Variants in SETDB2 observed in about 807,000 individuals in gnomAD.
The protein encoded by SETDB2 is SET domain bifurcated histone lysine methyltransferase 2.
In SETDB2, 56 loss-of-function variants were observed where a neutral mutation model predicts 82.5. The ratio of observed to expected loss-of-function variants is 0.68; its 90% CI spans 0.55 to 0.85. The LOEUF (loss-of-function observed/expected upper bound fraction) is 0.85. Ranked by LOEUF, SETDB2 falls within the 40% of genes least tolerant of loss-of-function variation. The probability of loss-of-function intolerance (pLI) is 0.00; values close to 1 mark genes in which losing one functional copy is unlikely to be tolerated. For synonymous variants in SETDB2, 272 were observed against 284.9 expected, an observed-to-expected ratio of 0.95 and a Z score of 0.46; for missense variants, 677 against 816.4, an observed-to-expected ratio of 0.83 and a Z score of 2.08.
At chr13:49,474,180 T>C (rs1042487086) in intron 5 of SETDB2, among the ~76,000 whole-genome samples, 1 of 152,140 alleles carries the variant, frequency 6.6e-6, no homozygotes, top group African/African-American at 2.4e-5. Flanking sequence ...AAGAATTGCT[T>C]GAAGCTGGGA....
At chr13:49,452,856 TCATCA>T (rs527320838) in intron 2 of SETDB2, among the ~76,000 whole-genome samples, 30 of 152,312 alleles carry the variant, frequency 2.0e-4, no homozygotes, top group African/African-American at 7.0e-4. Context: ...AATGTCATTT[TCATCA>T]CATCATATCA....
chr13:49,472,656 A>G (rs943026615), intron 5 of SETDB2, among the ~76,000 whole-genome samples: 1 of 152,180 alleles, frequency 6.6e-6, no homozygotes, highest in Non-Finnish European at 1.5e-5. Context: ...AAATTAGGTT[A>G]CTTTATACTT....
At chr13:49,476,396 GT>G in intron 5 of SETDB2, 79 bp from the exon 6 acceptor site, 2 of 932,490 alleles carry the variant, frequency 2.1e-6, no homozygotes, top group Non-Finnish European at 3.2e-6. Context: ...GTCTAAGAAG[GT>G]AGAAAATAAT....
chr13:49,490,760 A>G lies in SETDB2; in HGVS notation c.1918-62A>G, dbSNP rs897984801. On this transcript the variant is annotated intron_variant, in intron 12 of 13. Transcript: ENST00000611815. The stretch of plus-strand genomic sequence containing the variant: ...TAAAAACAGAATGGTTTTCTAATGC[A>G]AAAGCACAAGGCATCAGACTTTATG... 1.3e-4 allele frequency: 158 copies of G among 1,249,500 alleles called. No homozygotes were observed. In the African/African-American group the frequency reaches 2.3e-3, roughly 18 times the overall value. 77.4% of individuals were successfully genotyped at this position (1,249,500 alleles called of 1,614,324 possible). A position where few individuals can be genotyped will look rare whatever the true frequency, so the allele number is the denominator to read the frequency against.
chr13:49,484,702 G>A (rs9596114), intron 10 of SETDB2, among the ~76,000 whole-genome samples: 4,136 of 152,308 alleles, frequency 0.027, 184 homozygotes, highest in African/African-American at 0.091. Flanking sequence ...AGACTGAAAC[G>A]TAGAAGCAGA....
intron 5 of SETDB2, among the ~76,000 whole-genome samples, chr13:49,475,972 GT>G (rs1388109545): frequency 6.6e-6 from 1 of 151,996 alleles, no homozygotes; most frequent in Non-Finnish European, 1.5e-5. Flanking sequence ...GCCAGCCTTT[GT>G]TTTTTTGCAT....
chr13:49,477,793 A>G (rs988751761), intron 6 of SETDB2, among the ~76,000 whole-genome samples: 2 of 152,202 alleles, frequency 1.3e-5, no homozygotes, highest in African/African-American at 4.8e-5. Context: ...ATTTGAACCC[A>G]TGTTCTTAAC....
chr13:49,465,433 C>A (rs1319382345), intron 4 of SETDB2, among the ~76,000 whole-genome samples: 1 of 151,998 alleles, frequency 6.6e-6, no homozygotes, highest in Non-Finnish European at 1.5e-5. Context: ...ATAACTCATG[C>A]AAATAAATTA....
At chr13:49,451,191 G>A (rs1035283338) in intron 1 of SETDB2, among the ~76,000 whole-genome samples, 12 of 151,022 alleles carry the variant, frequency 7.9e-5, no homozygotes, top group East Asian at 1.9e-4. Flanking sequence ...TGAATCTTTC[G>A]TATGTCAGGC....
rs1320800406 is a variant in SETDB2 at position 49,491,619 on chromosome 13, G to A, written c.2007-113G>A. The stretch of plus-strand genomic sequence containing the variant: ...CCTAATTGGTGGATGTTGGGTGAGA[G>A]AACAGATCATATTTTTGAGGATGGT... On this transcript the variant is annotated intron_variant, in intron 13 of 13. Transcript: ENST00000611815. 7 of 727,764 alleles carry A rather than the reference G, an allele frequency of 9.6e-6. No individual in the cohort carries two copies. The African/African-American group carries it at 1.1e-4, about 11-fold the overall frequency. 45.1% of individuals were successfully genotyped at this position (727,764 alleles called of 1,614,324 possible).
At chr13:49,464,068 G>A (rs1350444184) in intron 4 of SETDB2, 1 of 775,904 alleles carries the variant, frequency 1.3e-6, no homozygotes. Flanking sequence ...TGAGATTTGA[G>A]AGCACATTAT....
Position 49,492,064 on chromosome 13 carries a change from A to G in SETDB2, c.*215A>G, listed in dbSNP as rs1312698527. 1.9e-6 allele frequency: 1 copy of G among 520,668 alleles called. No individual in the cohort carries two copies. Among genetic ancestry groups the G allele is most frequent in the African/African-American group, 1.9e-5 (1 of 52,066 alleles). 32.3% of individuals were successfully genotyped at this position (520,668 alleles called of 1,614,324 possible). On this transcript the variant is annotated 3_prime_UTR_variant, in exon 14 of 14. Transcript: ENST00000611815. ...AGGGTATCTTGTTCACTGCTGTGCT[A>G]CTTTACATGAGTAGGATGGAAGTGT...
intron 4 of SETDB2, chr13:49,463,948 A>G: frequency 1.4e-6 from 1 of 708,972 alleles, no homozygotes. Context: ...CTCTGGGATA[A>G]GTCATCCTAA....
rs1958722557 is a variant in SETDB2 at position 49,491,991 on chromosome 13, T to C, written c.*142T>C. 2 of 726,290 alleles carry C rather than the reference T, an allele frequency of 2.8e-6. No homozygotes were observed. The allele number at this position is 726,290 out of a possible 1,614,324, so 45.0% of individuals were successfully genotyped here. On this transcript the variant is annotated 3_prime_UTR_variant, in exon 14 of 14. Transcript: ENST00000611815. ...TATGTTTTATTTCAGATTTTATTTG[T>C]GTGACTTAGAAATTCCAGGAACACA... is the stretch of plus-strand genomic sequence containing the variant.
chr13:49,452,592 A>T (rs1325201334), intron 2 of SETDB2, among the ~76,000 whole-genome samples: 1 of 152,194 alleles, frequency 6.6e-6, no homozygotes, highest in Non-Finnish European at 1.5e-5. Flanking sequence ...TCCATAGTAT[A>T]TTCACGTTAG....
intron 5 of SETDB2, among the ~76,000 whole-genome samples, chr13:49,470,050 T>C (rs537063914): frequency 6.6e-6 from 1 of 152,330 alleles, no homozygotes; most frequent in South Asian, 2.1e-4. Context: ...ATACTTTTCT[T>C]ACAGTTTCGT....
rs145286347 is a variant in SETDB2, at chr13:49,485,520, C to T, written c.1483-110C>T. Reference sequence around the variant, plus strand: ...ATATCAGCTTTGAGGCTTTTCAAAACGAATCTAGTACATATAGCCTATGAT... The same window carrying T: ...ATATCAGCTTTGAGGCTTTTCAAAATGAATCTAGTACATATAGCCTATGAT... On this transcript the variant is annotated intron_variant, in intron 10 of 13. Coordinates refer to ENST00000611815, the MANE Select transcript of SETDB2 (RefSeq NM_001160308.3). 3,836 of 813,536 alleles carry T rather than the reference C, an allele frequency of 4.7e-3. 59 individuals are homozygous for T. Among genetic ancestry groups the T allele is most frequent in the Middle Eastern group, 0.038 (121 of 3,144 alleles). The allele number at this position is 813,536 out of a possible 1,614,324, so 50.4% of individuals were successfully genotyped here. A position where few individuals can be genotyped will look rare whatever the true frequency, so the allele number is the denominator to read the frequency against.
intron 2 of SETDB2, among the ~76,000 whole-genome samples, chr13:49,455,286 G>T (rs991659690): frequency 1.3e-4 from 20 of 152,240 alleles, no homozygotes; most frequent in Admixed American, 1.2e-3. Context: ...ATTTTTCTTT[G>T]TTGACTCCAA....
intron 4 of SETDB2, among the ~76,000 whole-genome samples, chr13:49,462,332 C>T (rs144950326): frequency 2.0e-5 from 3 of 152,304 alleles, no homozygotes; most frequent in Non-Finnish European, 2.9e-5. Flanking sequence ...GATAGCTCAC[C>T]TCTCAACAGT....
Sources: allele counts gnomAD v4.1 joint callset (sites outside exome capture counted in the v4.1 genomes callset), GRCh38; gene constraint gnomAD v4.1.1; transcripts MANE v1.5; gene names NCBI Gene and HGNC (gene_info 2026-07-23, HGNC 2026-07-21).